LRRC37A2: variants seen among roughly 807,000 people sequenced by gnomAD.
LRRC37A2 encodes the protein leucine rich repeat containing 37 member A2, also known as leucine-rich repeat-containing protein 37A2.
Under a neutral mutation model 68.8 loss-of-function variants are expected in LRRC37A2, and 9 were observed. The ratio of observed to expected loss-of-function variants is 0.13; its 90% CI spans 0.08 to 0.23. The LOEUF (loss-of-function observed/expected upper bound fraction) is 0.23. Ranked by LOEUF, LRRC37A2 falls within the 10% of genes least tolerant of loss-of-function variation. LRRC37A2 has a pLI of 1.00. For synonymous variants in LRRC37A2, 63 were observed against 367.6 expected (o/e 0.17, Z 9.48); for missense variants, 168 against 950.4 (o/e 0.18, Z 10.82).
the LRRC37A2 span, among the ~76,000 whole-genome samples, chr17:46,979,819 T>C: frequency 6.6e-6 from 1 of 152,042 alleles, no homozygotes; most frequent in East Asian, 1.9e-4. Flanking sequence ...ACAAACATAG[T>C]CATTGTAGAC....
At chr17:46,788,533 T>C in the LRRC37A2 span, among the ~76,000 whole-genome samples, 2 of 152,208 alleles carry the variant, frequency 1.3e-5, no homozygotes, top group Non-Finnish European at 2.9e-5. Context: ...CAAGGTCCCA[T>C]GTTTAAATCC....
the LRRC37A2 span, among the ~76,000 whole-genome samples, chr17:46,984,348 T>C: frequency 2.0e-5 from 3 of 151,882 alleles, no homozygotes; most frequent in African/African-American, 7.3e-5. Flanking sequence ...AGTGCTTCGT[T>C]GTTGGGGAAA....
the LRRC37A2 span, among the ~76,000 whole-genome samples, chr17:46,783,622 G>A: frequency 3.3e-5 from 5 of 152,322 alleles, no homozygotes; most frequent in African/African-American, 1.2e-4. Flanking sequence ...AGTAACCTCT[G>A]GGCCAGAGGG....
chr17:46,973,619 G>A, the LRRC37A2 span, among the ~76,000 whole-genome samples: 4,665 of 152,152 alleles, frequency 0.031, 129 homozygotes, highest in African/African-American at 0.074. Context: ...AGAACACCCC[G>A]CAATGCTGTC....
At chr17:46,404,801 C>T in the LRRC37A2 span, among the ~76,000 whole-genome samples, 11 of 92,264 alleles carry the variant, frequency 1.2e-4, 4 homozygotes, top group Non-Finnish European at 2.1e-4. Context: ...ACCCGGGAGG[C>T]GGAGCTTGCA....
the LRRC37A2 span, among the ~76,000 whole-genome samples, chr17:47,035,709 T>C: frequency 2.0e-5 from 3 of 152,234 alleles, no homozygotes; most frequent in South Asian, 2.1e-4. Context: ...TGGCAACTCT[T>C]ATGTTTAACT....
the LRRC37A2 span, chr17:46,768,346 T>C: frequency 6.2e-7 from 1 of 1,613,760 alleles, no homozygotes; most frequent in Non-Finnish European, 8.5e-7. The surrounding 1 kb of genome is among the most constrained non-coding windows in gnomAD (Gnocchi z 5.0). Flanking sequence ...ACGTCGTAGA[T>C]GCGAATACAC....
the LRRC37A2 span, among the ~76,000 whole-genome samples, chr17:46,836,882 T>G: frequency 6.6e-6 from 1 of 152,258 alleles, no homozygotes; most frequent in Non-Finnish European, 1.5e-5. Flanking sequence ...AATTTTGGTT[T>G]GTAAATGAAC....
chr17:46,769,010 G>A, the LRRC37A2 span, among the ~76,000 whole-genome samples: 7 of 152,170 alleles, frequency 4.6e-5, no homozygotes, highest in African/African-American at 1.2e-4. Flanking sequence ...TAGACAGCAC[G>A]TCCACTTCTC....
chr17:46,410,429 AAAAAAC>A, the LRRC37A2 span, among the ~76,000 whole-genome samples: 1 of 26,298 alleles, frequency 3.8e-5, no homozygotes, highest in South Asian at 2.1e-3. Flanking sequence ...TTAAAAAAGA[AAAAAAC>A]AAAAACAAAA....
chr17:46,755,281 T>C, the LRRC37A2 span: 1 of 1,559,780 alleles, frequency 6.4e-7, no homozygotes, highest in South Asian at 1.1e-5. Flanking sequence ...GAAGGTACCA[T>C]TAACCCATCT....
At chr17:46,905,602 C>T in the LRRC37A2 span, among the ~76,000 whole-genome samples, 186 of 152,296 alleles carry the variant, frequency 1.2e-3, 2 homozygotes, top group Admixed American at 3.7e-3. Flanking sequence ...AAATCTATGG[C>T]CCTACTAGGG....
the LRRC37A2 span, among the ~76,000 whole-genome samples, chr17:46,839,072 T>G: frequency 6.6e-6 from 1 of 152,150 alleles, no homozygotes; most frequent in East Asian, 1.9e-4. Flanking sequence ...GAGACAGACT[T>G]TCACCATGTT....
At chr17:46,889,039 C>T in the LRRC37A2 span, among the ~76,000 whole-genome samples, 3 of 152,256 alleles carry the variant, frequency 2.0e-5, no homozygotes, top group South Asian at 4.1e-4. Flanking sequence ...CTAAAATTTC[C>T]TCTGCTTGCC....
At chr17:46,859,632 C>G in the LRRC37A2 span, among the ~76,000 whole-genome samples, 1 of 152,154 alleles carries the variant, frequency 6.6e-6, no homozygotes, top group Admixed American at 6.6e-5. Flanking sequence ...ACTATAAGTT[C>G]TCTAACTGTG....
chr17:46,734,630 T>G, the LRRC37A2 span, among the ~76,000 whole-genome samples: 1 of 152,134 alleles, frequency 6.6e-6, no homozygotes, highest in Non-Finnish European at 1.5e-5. Context: ...TAATGTATAG[T>G]GAATGTATAG....
At chr17:46,949,431 C>T in the LRRC37A2 span, 1 of 152,140 alleles carries the variant, frequency 6.6e-6, no homozygotes, top group Non-Finnish European at 1.5e-5. Context: ...TCTGTTCTGC[C>T]ATACTCCTTT....
At chr17:46,529,130 C>G (rs1019206677) in intron 6 of LRRC37A2, among the ~76,000 whole-genome samples, 16 of 135,524 alleles carry the variant, frequency 1.2e-4, no homozygotes, top group African/African-American at 3.0e-4. Flanking sequence ...TTTCATCTCT[C>G]TCTCCTCAGT....
the LRRC37A2 span, among the ~76,000 whole-genome samples, chr17:46,499,139 AC>A: frequency 6.9e-6 from 1 of 144,668 alleles, no homozygotes; most frequent in Non-Finnish European, 1.5e-5. Flanking sequence ...ACATGGTGAG[AC>A]CCCGTCTCTA....
Sources: allele counts gnomAD v4.1 joint callset (sites outside exome capture counted in the v4.1 genomes callset), GRCh38; gene constraint gnomAD v4.1.1; non-coding constraint Gnocchi (gnomAD v3.1); transcripts MANE v1.5; gene names NCBI Gene and HGNC (gene_info 2026-07-23, HGNC 2026-07-21).